Variants in TMEM163 observed in about 807,000 individuals in gnomAD.
TMEM163 encodes the protein transmembrane protein 163.
TMEM163 carries 17 observed loss-of-function variants against 29.3 expected under a neutral mutation model. The ratio of observed to expected loss-of-function variants is 0.58; its 90% CI spans 0.40 to 0.87. TMEM163 has a LOEUF of 0.87. TMEM163 is among the 40% of genes least tolerant of loss of function. TMEM163 has a pLI of 0.00. For missense variants in TMEM163, 303 were observed against 381.5 expected (o/e 0.79, Z 1.71); for synonymous variants, 157 against 160.6 (o/e 0.98, Z 0.17).
intron 2 of TMEM163, among the ~76,000 whole-genome samples, chr2:134,633,335 C>T (rs774961496): frequency 6.6e-5 from 10 of 151,940 alleles, no homozygotes; most frequent in South Asian, 6.2e-4. Flanking sequence ...GAGACATGAG[C>T]GGTTGGGAGG....
intron 2 of TMEM163, among the ~76,000 whole-genome samples, chr2:134,564,139 T>C (rs1213789561): frequency 6.6e-6 from 1 of 152,108 alleles, no homozygotes; most frequent in East Asian, 1.9e-4. Context: ...AGACAGTCAC[T>C]ACCAGATACG....
chr2:134,583,059 GAGA>G (rs1411392997), intron 2 of TMEM163, among the ~76,000 whole-genome samples: 3 of 152,282 alleles, frequency 2.0e-5, no homozygotes, highest in Non-Finnish European at 2.9e-5. Context: ...AAAAAAATAT[GAGA>G]AGAACTTCAT....
intron 5 of TMEM163, among the ~76,000 whole-genome samples, chr2:134,476,109 C>A (rs1461265698): frequency 6.6e-6 from 1 of 152,184 alleles, no homozygotes; most frequent in Non-Finnish European, 1.5e-5. Flanking sequence ...AACAAACTGT[C>A]ATCTGTCCAG....
chr2:134,704,158 G>A (rs1684758043), intron 2 of TMEM163, among the ~76,000 whole-genome samples: 1 of 152,024 alleles, frequency 6.6e-6, no homozygotes, highest in South Asian at 2.1e-4. Flanking sequence ...CTTCTTTCAG[G>A]TGCTCCAGGG....
At chr2:134,546,038 C>CT (rs1200734822) in intron 4 of TMEM163, among the ~76,000 whole-genome samples, 1 of 152,158 alleles carries the variant, frequency 6.6e-6, no homozygotes, top group Non-Finnish European at 1.5e-5. Context: ...GATGGTCCAC[C>CT]TTCTCCATAC....
intron 6 of TMEM163, among the ~76,000 whole-genome samples, chr2:134,463,677 G>C (rs981780561): frequency 2.0e-5 from 3 of 152,232 alleles, no homozygotes; most frequent in Non-Finnish European, 2.9e-5. Flanking sequence ...ATAGCAGAGG[G>C]GTTGCTTGGC....
In TMEM163 at chr2:134,473,809, G is replaced by A. The variant is rs149130232; in HGVS notation, c.556-7584C>T. Among the ~76,000 whole-genome samples the A allele has an allele frequency of 3.4e-3, 511 of 152,254 alleles. 7 individuals carry two copies. The highest frequency in any genetic ancestry group is 0.022 in the Admixed American group (331 of 15,288). On this transcript the variant is annotated intron_variant, in intron 5 of 7. Transcript: ENST00000281924. The stretch of plus-strand genomic sequence containing the variant: ...CTTAGAAGAAATAGACAAATCAAAC[G>A]TCATCCAAGAAGTAGATAACCTGAA...
chr2:134,605,940 C>T (rs543647914), intron 2 of TMEM163, among the ~76,000 whole-genome samples: 1 of 152,178 alleles, frequency 6.6e-6, no homozygotes, highest in South Asian at 2.1e-4. Context: ...AAATCTGGGA[C>T]ACATACAAAA....
rs1028330609 is a variant in TMEM163 at position 134,522,439 on chromosome 2, C to T, written c.459-19442G>A. 6.6e-5 allele frequency among the ~76,000 whole-genome samples: 10 copies of T among 152,350 alleles called. No homozygotes were observed. The South Asian group carries it at 2.1e-3, about 32-fold the overall frequency. On this transcript the variant is annotated intron_variant, in intron 4 of 7. Coordinates refer to ENST00000281924, the MANE Select transcript of TMEM163 (RefSeq NM_030923.5). ...TAAAAGGTGAACTAAGCAGGTTAGTCCCAGAAACTAAGCCATCTTGGCACT... is the reference window on the plus strand; with the variant it reads ...TAAAAGGTGAACTAAGCAGGTTAGTTCCAGAAACTAAGCCATCTTGGCACT...
intron 2 of TMEM163, among the ~76,000 whole-genome samples, chr2:134,680,605 T>G (rs192048836): frequency 1.0e-3 from 153 of 152,300 alleles, no homozygotes; most frequent in African/African-American, 3.2e-3. Context: ...ATGGACCACA[T>G]TAATGCGCAA....
intron 2 of TMEM163, among the ~76,000 whole-genome samples, chr2:134,694,359 A>C (rs1331030778): frequency 6.6e-6 from 1 of 152,200 alleles, no homozygotes; most frequent in African/African-American, 2.4e-5. Flanking sequence ...AATTGACCTA[A>C]AGAGGGTAAC....
chr2:134,487,985 C>A (rs1304155113), intron 5 of TMEM163, among the ~76,000 whole-genome samples: 1 of 149,942 alleles, frequency 6.7e-6, no homozygotes, highest in Non-Finnish European at 1.5e-5. Flanking sequence ...CAAACAAAAA[C>A]AAACCACCAC....
intron 2 of TMEM163, among the ~76,000 whole-genome samples, chr2:134,710,044 T>C (rs912516756): frequency 6.6e-6 from 1 of 152,224 alleles, no homozygotes; most frequent in Non-Finnish European, 1.5e-5. Flanking sequence ...CTTCCAGTTG[T>C]CCCAGCTTTC....
intron 2 of TMEM163, among the ~76,000 whole-genome samples, chr2:134,697,412 G>T (rs1368328455): frequency 6.6e-6 from 1 of 151,174 alleles, no homozygotes; most frequent in African/African-American, 2.4e-5. Context: ...ATCTTGTCTT[G>T]AATTTTACCA....
chr2:134,477,124 C>G (rs1358619126), intron 5 of TMEM163, among the ~76,000 whole-genome samples: 2 of 152,150 alleles, frequency 1.3e-5, no homozygotes, highest in Non-Finnish European at 2.9e-5. Context: ...AGCTCTATGT[C>G]AGGGAGAACG....
At chr2:134,508,012 C>T (rs1280725208) in intron 4 of TMEM163, among the ~76,000 whole-genome samples, 3 of 152,086 alleles carry the variant, frequency 2.0e-5, no homozygotes, top group African/African-American at 7.2e-5. Context: ...TAACTGTGCA[C>T]AGTACTGTAA....
chr2:134,506,061 C>T (rs759150944), intron 4 of TMEM163, among the ~76,000 whole-genome samples: 6 of 151,992 alleles, frequency 3.9e-5, no homozygotes, highest in East Asian at 1.9e-4. Context: ...GCCAAATGCC[C>T]GTGGAATAGC....
chr2:134,473,623 G>A (rs2106477101), intron 5 of TMEM163, among the ~76,000 whole-genome samples: 1 of 151,538 alleles, frequency 6.6e-6, no homozygotes, highest in South Asian at 2.1e-4. Flanking sequence ...CCTTGATAAA[G>A]ATCAGTAATG....
chr2:134,664,011 C>G (rs916812211), intron 2 of TMEM163, among the ~76,000 whole-genome samples: 3 of 152,218 alleles, frequency 2.0e-5, no homozygotes, highest in Non-Finnish European at 4.4e-5. Context: ...CAAATGTCAC[C>G]TCTCCCATTT....
Sources: gnomAD v4.1 joint callset for allele counts (sites outside exome capture counted in the v4.1 genomes callset) on GRCh38, gnomAD v4.1.1 for gene constraint, MANE v1.5 for transcripts, NCBI Gene and HGNC (gene_info 2026-07-23, HGNC 2026-07-21) for gene names.